Variants in OSBPL10 observed in about 807,000 individuals in gnomAD.
OSBPL10 encodes oxysterol binding protein like 10, also known as oxysterol-binding protein-related protein 10.
A neutral mutation model predicts 81.7 loss-of-function variants in OSBPL10; 49 were observed. That is an observed-to-expected ratio of 0.60 (90% confidence interval 0.48 to 0.76). The LOEUF (loss-of-function observed/expected upper bound fraction) is 0.76. Ranked by LOEUF, OSBPL10 falls within the 30% of genes least tolerant of loss-of-function variation. The pLI, the probability that OSBPL10 is intolerant of heterozygous loss-of-function variation, is 0.00. For missense variants in OSBPL10, 923 were observed against 987.8 expected (o/e 0.93, Z 0.88); for synonymous variants, 419 against 383.6 (o/e 1.09, Z -1.08).
chr3:32,028,684 T>C (rs1265294931), intron 2 of OSBPL10, among the ~76,000 whole-genome samples: 1 of 152,172 alleles, frequency 6.6e-6, no homozygotes, highest in Non-Finnish European at 1.5e-5. Context: ...CTGGTATCCA[T>C]AGACTCTCTT....
chr3:32,051,502 T>C (rs1358790642), intron 1 of OSBPL10, among the ~76,000 whole-genome samples: 2 of 152,164 alleles, frequency 1.3e-5, no homozygotes, highest in Non-Finnish European at 2.9e-5. Flanking sequence ...CACCTGGAAG[T>C]TATGGTAAAA....
intron 3 of OSBPL10, among the ~76,000 whole-genome samples, chr3:31,875,081 GT>G (rs1701417965): frequency 2.4e-5 from 1 of 41,892 alleles, no homozygotes; most frequent in Non-Finnish European, 4.7e-5. Flanking sequence ...AATATATTAA[GT>G]AAAAAAAAAA....
chr3:31,963,383 A>T (rs954775741), intron 1 of OSBPL10, among the ~76,000 whole-genome samples: 1 of 152,156 alleles, frequency 6.6e-6, no homozygotes, highest in East Asian at 1.9e-4. Flanking sequence ...GAACAAGGAC[A>T]TTTTCTTATA....
intron 1 of OSBPL10, among the ~76,000 whole-genome samples, chr3:32,071,021 C>G (rs1699824629): frequency 6.6e-6 from 1 of 152,214 alleles, no homozygotes; most frequent in Non-Finnish European, 1.5e-5. Context: ...CTCTGCTTCT[C>G]ACCTTATTCA....
chr3:31,716,493 GAAGGTCTGCTCT>G (rs1351580226), intron 6 of OSBPL10, among the ~76,000 whole-genome samples: 1 of 152,136 alleles, frequency 6.6e-6, no homozygotes, highest in Non-Finnish European at 1.5e-5. Context: ...TAACATTTGA[GAAGGTCTGCTCT>G]AATGATCCCC....
chr3:31,719,367 A>G (rs1012937497), intron 6 of OSBPL10, among the ~76,000 whole-genome samples: 1 of 152,362 alleles, frequency 6.6e-6, no homozygotes, highest in East Asian at 1.9e-4. Flanking sequence ...CTTAGAAAAC[A>G]TTAATTAGGA....
rs1263878682 is a variant in OSBPL10 at position 31,661,836 on chromosome 3, G to A, written c.*236C>T. 2.2e-6 allele frequency: 1 copy of A among 453,510 alleles called. No individual in the cohort carries two copies. Among genetic ancestry groups the A allele is most frequent in the Admixed American group, 4.2e-5 (1 of 23,916 alleles). 28.1% of individuals were successfully genotyped at this position (453,510 alleles called of 1,614,324 possible). ...ATACTCAGATGTTTACATAGTGCAT[G>A]TGTGTGAACGTATACGGTGTGTACA... On this transcript the variant is annotated 3_prime_UTR_variant, in exon 12 of 12. Coordinates refer to ENST00000396556, the MANE Select transcript of OSBPL10 (RefSeq NM_017784.5).
intron 3 of OSBPL10, among the ~76,000 whole-genome samples, chr3:31,871,218 A>G (rs553945546): frequency 2.6e-5 from 4 of 152,284 alleles, no homozygotes; most frequent in East Asian, 1.9e-4. Context: ...TATGAGCTGT[A>G]ACACTCACCC....
intron 4 of OSBPL10, among the ~76,000 whole-genome samples, chr3:31,787,734 C>A (rs1698895753): frequency 6.6e-6 from 1 of 152,166 alleles, no homozygotes; most frequent in South Asian, 2.1e-4. Context: ...TAGATTGGTT[C>A]ACAGTCTACA....
chr3:31,757,362 G>A (rs577481954), intron 4 of OSBPL10, among the ~76,000 whole-genome samples: 1 of 152,246 alleles, frequency 6.6e-6, no homozygotes, highest in African/African-American at 2.4e-5. Flanking sequence ...CACTTTGGGA[G>A]GCTGAGGCAG....
intron 4 of OSBPL10, among the ~76,000 whole-genome samples, chr3:31,818,695 A>G (rs1480315095): frequency 6.6e-6 from 1 of 152,132 alleles, no homozygotes; most frequent in Non-Finnish European, 1.5e-5. Flanking sequence ...CTCCTACTCC[A>G]AAAGGGGCCA....
In OSBPL10 at chr3:31,787,882, A is replaced by G. The variant is rs117336453; in HGVS notation, c.730-39762T>C. Among the ~76,000 whole-genome samples the G allele has an allele frequency of 4.5e-4, 69 of 152,348 alleles. 1 individual carries two copies. The East Asian group carries it at 0.012, about 26-fold the overall frequency. ...AACAGAATGAGTATTTAAATAAATT[A>G]TAAGGAATTTGGTATTTTTAAGTAA... is the stretch of plus-strand genomic sequence containing the variant. On this transcript the variant is annotated intron_variant, in intron 4 of 11. Transcript: ENST00000396556.
intron 2 of OSBPL10, among the ~76,000 whole-genome samples, chr3:31,988,322 C>T (rs1698965391): frequency 6.6e-6 from 1 of 152,100 alleles, no homozygotes; most frequent in African/African-American, 2.4e-5. Context: ...AGATTGTGGA[C>T]TTGAAGCTAG....
chr3:31,761,471 CAAAAAAAA>C (rs112468280), intron 4 of OSBPL10, among the ~76,000 whole-genome samples: 3 of 56,050 alleles, frequency 5.4e-5, no homozygotes, highest in Admixed American at 2.0e-4. Context: ...GACTCCATTT[CAAAAAAAA>C]AAAAAAAAAA....
At chr3:31,764,799 A>G (rs1698148867) in intron 4 of OSBPL10, among the ~76,000 whole-genome samples, 1 of 152,124 alleles carries the variant, frequency 6.6e-6, no homozygotes, top group South Asian at 2.1e-4. Flanking sequence ...CTCTAACTTA[A>G]TCTATATGAT....
intron 1 of OSBPL10, among the ~76,000 whole-genome samples, chr3:31,922,965 G>A (rs1388288760): frequency 1.3e-5 from 2 of 152,242 alleles, no homozygotes; most frequent in African/African-American, 4.8e-5. Context: ...GCAATTGATT[G>A]TGAGGGCTTC....
At chr3:31,981,325 G>A, upstream of OSBPL10, 1 of 1,224,824 alleles carries the variant, frequency 8.2e-7, no homozygotes, top group African/African-American at 1.6e-5. This position sits in a 1 kb window ranked among gnomAD's most constrained non-coding sequence, Gnocchi z 4.5. Context: ...AGGAGGAAGA[G>A]GAGGAGGAGG....
chr3:31,707,207 C>T lies in OSBPL10; in HGVS notation c.1096-4699G>A, dbSNP rs1287644123. The T allele has an allele frequency of 2.0e-5, 3 of 152,212 alleles. No homozygotes were observed. In the East Asian group the frequency reaches 5.8e-4, roughly 29 times the overall value. 9.4% of individuals were successfully genotyped at this position (152,212 alleles called of 1,614,324 possible). A position where few individuals can be genotyped will look rare whatever the true frequency, so the allele number is the denominator to read the frequency against. On this transcript the variant is annotated intron_variant, in intron 6 of 11. Coordinates refer to ENST00000396556, the MANE Select transcript of OSBPL10 (RefSeq NM_017784.5). ...CTTTGGACAGGGAGCTTTTCTGTGCCAAACCAGGAATCACAGACATGCAGG... is the reference window on the plus strand; with the variant it reads ...CTTTGGACAGGGAGCTTTTCTGTGCTAAACCAGGAATCACAGACATGCAGG...
intron 1 of OSBPL10, among the ~76,000 whole-genome samples, chr3:31,896,669 A>T (rs564592282): frequency 1.2e-4 from 18 of 152,358 alleles, no homozygotes; most frequent in African/African-American, 3.6e-4. Flanking sequence ...TGGGCAGATA[A>T]GCAGAAGCAC....
Sources: allele counts gnomAD v4.1 joint callset (sites outside exome capture counted in the v4.1 genomes callset), GRCh38; gene constraint gnomAD v4.1.1; non-coding constraint Gnocchi (gnomAD v3.1); transcripts MANE v1.5; gene names NCBI Gene and HGNC (gene_info 2026-07-23, HGNC 2026-07-21).